The following DNAH11 variants were observed in gnomAD, a reference collection of about 807,000 sequenced individuals.
The protein encoded by DNAH11 is dynein axonemal heavy chain 11.
Under a neutral mutation model 526.0 loss-of-function variants are expected in DNAH11, and 442 were observed. The ratio of observed to expected loss-of-function variants is 0.84; its 90% CI spans 0.78 to 0.91. The LOEUF (loss-of-function observed/expected upper bound fraction) is 0.91. DNAH11 is among the 40% of genes least tolerant of loss of function. DNAH11 has a pLI of 0.00. For synonymous variants in DNAH11, 2,461 were observed against 1,935.9 expected (o/e 1.27, Z -7.12); for missense variants, 6,989 against 5,448.7 (o/e 1.28, Z -8.90).
Position 21,687,486 on chromosome 7 carries a change from A to C in DNAH11, c.5883A>C (p.Gln1961His). ...AAGTTCTGTCAGTGGTGGCAGTACA[A>C]GTGAAAATGATTCATGATGCCATCA... is the stretch of plus-strand genomic sequence containing the variant. ...SVEVLSVVAV[Q>H]VKMIHDAIRN... is the part of the protein sequence containing the mutation. The change falls in exon 34 of 82, where the codon CAA becomes CAC. Residue 1961 changes from glutamine to histidine, a missense_variant. Physicochemically the swap from Gln to His is conservative, Grantham distance 24. Transcript: ENST00000409508. 1 of 1,613,812 alleles carries C rather than the reference A, an allele frequency of 6.2e-7. No homozygotes were observed.
chr7:21,810,524 A>T (rs1789469436), intron 63 of DNAH11, among the ~76,000 whole-genome samples: 1 of 152,230 alleles, frequency 6.6e-6, no homozygotes. Flanking sequence ...AATTGAAATC[A>T]GGAGAACAGT....
At chr7:21,569,147 A>G (rs961240370) in intron 6 of DNAH11, among the ~76,000 whole-genome samples, 1 of 152,222 alleles carries the variant, frequency 6.6e-6, no homozygotes, top group Non-Finnish European at 1.5e-5. Flanking sequence ...ATGGGAAATG[A>G]AAGGTCATAT....
At chr7:21,683,675 C>A in intron 31 of DNAH11, 109 bp from the exon 32 acceptor site, 1 of 1,240,444 alleles carries the variant, frequency 8.1e-7, no homozygotes, top group Non-Finnish European at 1.1e-6. Context: ...CAAGAGATTT[C>A]CTATTTATGA....
At chr7:21,564,104 G>A in intron 5 of DNAH11, 82 bp from the exon 6 acceptor site, 1 of 991,828 alleles carries the variant, frequency 1.0e-6, no homozygotes, top group Admixed American at 2.7e-5. Flanking sequence ...GTTTTACGTG[G>A]CTCTCTTCTA....
chr7:21,746,521 A>G (rs1473156218), intron 51 of DNAH11, among the ~76,000 whole-genome samples: 1 of 152,040 alleles, frequency 6.6e-6, no homozygotes, highest in Non-Finnish European at 1.5e-5. Context: ...GAGGACTGCT[A>G]GAGCCCAGGA....
At chr7:21,703,164 T>C (rs1287412498) in intron 37 of DNAH11, among the ~76,000 whole-genome samples, 1 of 152,182 alleles carries the variant, frequency 6.6e-6, no homozygotes, top group South Asian at 2.1e-4. Context: ...GAAGACATAA[T>C]GGGAGAAAGA....
At chr7:21,816,249 T>C (rs1239220706) in intron 63 of DNAH11, among the ~76,000 whole-genome samples, 1 of 152,198 alleles carries the variant, frequency 6.6e-6, no homozygotes, top group Non-Finnish European at 1.5e-5. Flanking sequence ...AAAACCGATG[T>C]TGAATCCCAC....
At chr7:21,895,532 G>C (rs1784479585) in intron 79 of DNAH11, among the ~76,000 whole-genome samples, 1 of 152,180 alleles carries the variant, frequency 6.6e-6, no homozygotes, top group African/African-American at 2.4e-5. Context: ...AATGTAATCT[G>C]TGCTGATGTT....
At chr7:21,781,636 G>A (rs1402750564) in intron 57 of DNAH11, among the ~76,000 whole-genome samples, 1 of 152,170 alleles carries the variant, frequency 6.6e-6, no homozygotes, top group Non-Finnish European at 1.5e-5. Context: ...ATCAGTTTTT[G>A]TGTGTGTTTC....
intron 30 of DNAH11, among the ~76,000 whole-genome samples, chr7:21,680,768 T>C (rs1166672477): frequency 6.6e-6 from 1 of 152,224 alleles, no homozygotes; most frequent in African/African-American, 2.4e-5. Flanking sequence ...CTTCATCTCT[T>C]AATTTTAAAT....
chr7:21,690,923 G>A, intron 35 of DNAH11, 42 bp downstream of exon 35: 1 of 1,424,480 alleles, frequency 7.0e-7, no homozygotes, highest in Non-Finnish European at 9.8e-7. Flanking sequence ...GTGCACTCAT[G>A]CCACCTAATG....
intron 28 of DNAH11, among the ~76,000 whole-genome samples, chr7:21,647,592 G>T (rs1192251557): frequency 6.6e-6 from 1 of 151,806 alleles, no homozygotes; most frequent in Non-Finnish European, 1.5e-5. Context: ...ACCACAACTG[G>T]CTAATTTTTT....
At position 21,698,182 on chromosome 7, in the gene DNAH11, A is replaced by G. The variant is rs1280801730; in HGVS notation, c.6149A>G (p.Tyr2050Cys). The G allele has an allele frequency of 6.2e-7, 1 of 1,613,616 alleles. No individual in the cohort carries two copies. Among genetic ancestry groups the G allele is most frequent in the African/African-American group, 1.3e-5 (1 of 75,022 alleles). The stretch of plus-strand genomic sequence containing the variant: ...TTAGCCCGAAAGTTCATTACGTTGT[A>G]CACGCTTTGCAAGGAGCTTCTCTCC... ...RALARKFITLYTLCKELLSKQ... is the reference protein window; with the variant it reads ...RALARKFITLCTLCKELLSKQ... The change falls in exon 36 of 82, where the codon TAC becomes TGC. Residue 2050 changes from tyrosine to cysteine, a missense_variant. By Grantham distance (194) the Tyr-to-Cys change is radical. Transcript: ENST00000409508.
intron 70 of DNAH11, 53 bp downstream of exon 70, chr7:21,864,710 T>A: frequency 6.6e-7 from 1 of 1,506,050 alleles, no homozygotes; most frequent in Non-Finnish European, 8.9e-7. Flanking sequence ...AAATATTAGC[T>A]CTCTCCAGTG....
intron 76 of DNAH11, among the ~76,000 whole-genome samples, chr7:21,887,064 C>A (rs1190662450): frequency 1.3e-5 from 2 of 152,232 alleles, no homozygotes; most frequent in African/African-American, 2.4e-5. Flanking sequence ...TGCAGGACAT[C>A]TTTTTGCCAC....
At chr7:21,759,862 C>T (rs1274839322) in intron 54 of DNAH11, among the ~76,000 whole-genome samples, 1 of 152,096 alleles carries the variant, frequency 6.6e-6, no homozygotes, top group Non-Finnish European at 1.5e-5. Flanking sequence ...GTCATAACAC[C>T]TGTGTGGGCA....
chr7:21,571,960 A>G lies in DNAH11; in HGVS notation c.1580A>G (p.Asp527Gly). The G allele has an allele frequency of 9.5e-6, 15 of 1,571,024 alleles. No individual in the cohort carries two copies. The highest frequency in any genetic ancestry group is 1.3e-5 in the Non-Finnish European group (15 of 1,162,500). The change falls in exon 8 of 82, where the codon GAT (aspartate) becomes GGT (glycine). Residue 527 changes from aspartate (D) to glycine (G), a missense_variant. Transcript: ENST00000409508. The stretch of plus-strand genomic sequence containing the variant: ...AAACAGAGCACTTATGACCCATCTG[A>G]TTGCACTAACATGGTAATGTTGTAC... ...LFKQSTYDPS[D>G]CTNMEFESDY...
At chr7:21,645,127 T>C (rs1055717130) in intron 28 of DNAH11, among the ~76,000 whole-genome samples, 3 of 152,218 alleles carry the variant, frequency 2.0e-5, no homozygotes, top group African/African-American at 7.2e-5. Context: ...TTCAATGTTA[T>C]GAGTTCCAAA....
At chr7:21,880,324 A>C (rs937507669) in intron 74 of DNAH11, among the ~76,000 whole-genome samples, 1 of 152,164 alleles carries the variant, frequency 6.6e-6, no homozygotes, top group Non-Finnish European at 1.5e-5. Context: ...CATTCTCCCA[A>C]CCGTAATAGC....
Sources: allele counts gnomAD v4.1 joint callset (sites outside exome capture counted in the v4.1 genomes callset), GRCh38; gene constraint gnomAD v4.1.1; transcripts MANE v1.5; gene names NCBI Gene and HGNC (gene_info 2026-07-23, HGNC 2026-07-21).